NTRK2: variants seen among roughly 807,000 people sequenced by gnomAD.
NTRK2 encodes neurotrophic receptor tyrosine kinase 2.
A neutral mutation model predicts 94.5 loss-of-function variants in NTRK2; 13 were observed. That is an observed-to-expected ratio of 0.14 (90% CI 0.09 to 0.22). The LOEUF (loss-of-function observed/expected upper bound fraction) is 0.22. Ranked by LOEUF, NTRK2 falls within the 10% of genes least tolerant of loss-of-function variation. NTRK2 has a pLI of 1.00. For missense variants in NTRK2, 639 were observed against 1,071.2 expected, an observed-to-expected ratio of 0.60 and a Z score of 5.63; for synonymous variants, 372 against 407.4, an observed-to-expected ratio of 0.91 and a Z score of 1.05.
At chr9:84,743,194 A>G (rs1339829511) in intron 10 of NTRK2, among the ~76,000 whole-genome samples, 1 of 152,174 alleles carries the variant, frequency 6.6e-6, no homozygotes, top group Non-Finnish European at 1.5e-5. Flanking sequence ...CATATTTAAC[A>G]GATTTCCAAG....
intron 14 of NTRK2, among the ~76,000 whole-genome samples, chr9:84,896,857 C>T (rs73476433): frequency 0.063 from 9,575 of 152,096 alleles, 896 homozygotes; most frequent in African/African-American, 0.2. Context: ...AAGACCAGGA[C>T]GAATGAGAGT....
At chr9:84,821,028 C>G (rs985622305) in intron 12 of NTRK2, among the ~76,000 whole-genome samples, 1 of 152,138 alleles carries the variant, frequency 6.6e-6, no homozygotes, top group Non-Finnish European at 1.5e-5. Context: ...GATCTCTGCT[C>G]TTCATTTTGG....
At chr9:84,918,399 A>C (rs1033095764) in intron 14 of NTRK2, among the ~76,000 whole-genome samples, 1 of 152,200 alleles carries the variant, frequency 6.6e-6, no homozygotes, top group Non-Finnish European at 1.5e-5. Flanking sequence ...CTTGCCTGAC[A>C]TGGGTCCAGT....
intron 17 of NTRK2, among the ~76,000 whole-genome samples, chr9:84,972,438 A>G (rs936962293): frequency 6.6e-6 from 1 of 152,200 alleles, no homozygotes; most frequent in African/African-American, 2.4e-5. Context: ...CAGTGAGTTT[A>G]TGAAGGGGCT....
chr9:84,702,429 G>C lies in NTRK2; in HGVS notation c.359+10G>C, dbSNP rs1255855312. The C allele has an allele frequency of 1.9e-6, 3 of 1,611,274 alleles. No homozygotes were observed. The highest frequency in any genetic ancestry group is 1.7e-5 in the Admixed American group (1 of 60,026). On this transcript the variant is annotated intron_variant, in intron 4 of 18. Transcript: ENST00000277120. ...GCAACCTGCAGCACATGTAAGTAGA[G>C]ATTGATTCTTTTGCTTCCCAGGACC...
chr9:84,832,670 A>G (rs1312126835), intron 12 of NTRK2, among the ~76,000 whole-genome samples: 1 of 152,232 alleles, frequency 6.6e-6, no homozygotes, highest in Non-Finnish European at 1.5e-5. Context: ...TAACCTAGAT[A>G]GAAAACCCCA....
rs118129792 is a variant in NTRK2 at position 84,994,425 on chromosome 9, C to T, written c.2173-25781C>T. On this transcript the variant is annotated intron_variant, in intron 17 of 18. Transcript: ENST00000277120. ...ATTTGATCCCTGAATCCCATAAAAACGAAAGTGCAAGCTACACGGAGCACA... is the reference window on the plus strand; with the variant it reads ...ATTTGATCCCTGAATCCCATAAAAATGAAAGTGCAAGCTACACGGAGCACA... Among the ~76,000 whole-genome samples, 1,023 of 152,284 alleles carry T rather than the reference C, an allele frequency of 6.7e-3. 26 individuals carry two copies. Among genetic ancestry groups the T allele is most frequent in the Admixed American group, 0.04 (609 of 15,290 alleles).
At chr9:84,852,226 A>G (rs945647894) in intron 12 of NTRK2, among the ~76,000 whole-genome samples, 4 of 152,254 alleles carry the variant, frequency 2.6e-5, no homozygotes, top group African/African-American at 7.2e-5. Flanking sequence ...CCTGAGAATC[A>G]GCCAGCTTCC....
intron 17 of NTRK2, among the ~76,000 whole-genome samples, chr9:84,960,835 A>G (rs780438399): frequency 5.3e-5 from 8 of 152,222 alleles, no homozygotes; most frequent in Non-Finnish European, 1.0e-4. Context: ...TAAGTCTTAC[A>G]CATCTTTGTT....
chr9:84,854,008 G>GTTGCA lies in NTRK2; in HGVS notation c.1397-7031_1397-7027dup, dbSNP rs553600625. Among the ~76,000 whole-genome samples the GTTGCA allele has an allele frequency of 2.8e-3, 417 of 150,958 alleles. 1 individual carries two copies. The highest frequency in any genetic ancestry group is 9.7e-3 in the African/African-American group (399 of 41,066). Reference sequence around the variant, plus strand: ...GGCAGGAGAATTGCTGGAGGCAGAGGTTGCAGTGAGCTGAGATCGCACCAC... The same window carrying GTTGCA: ...GGCAGGAGAATTGCTGGAGGCAGAGGTTGCATTGCAGTGAGCTGAGATCGCACCAC... On this transcript the variant is annotated intron_variant, in intron 12 of 18. Transcript: ENST00000277120.
At chr9:84,689,503 G>A (rs1166393616) in intron 2 of NTRK2, among the ~76,000 whole-genome samples, 1 of 152,140 alleles carries the variant, frequency 6.6e-6, no homozygotes, top group Non-Finnish European at 1.5e-5. Flanking sequence ...GGGATTGTCA[G>A]TCATTTTCTC....
chr9:84,775,774 A>C (rs2066968763), intron 12 of NTRK2, among the ~76,000 whole-genome samples: 1 of 152,202 alleles, frequency 6.6e-6, no homozygotes, highest in Admixed American at 6.5e-5. Flanking sequence ...CCTTGCTCTC[A>C]AAATGTGGTC....
At position 85,023,400 on chromosome 9, in the gene NTRK2, T is replaced by G. The variant is rs896742397; in HGVS notation, c.*1963T>G. Reference sequence around the variant, plus strand: ...GCGCCTGTTAATTACTGGAACACCTTATTTTTCATTAAAGGCTTTGAAAGC... The same window carrying G: ...GCGCCTGTTAATTACTGGAACACCTGATTTTTCATTAAAGGCTTTGAAAGC... On this transcript the variant is annotated 3_prime_UTR_variant, in exon 19 of 19. Coordinates refer to ENST00000277120, the MANE Select transcript of NTRK2 (RefSeq NM_006180.6). 4.3e-6 allele frequency: 1 copy of G among 232,298 alleles called. No individual in the cohort carries two copies. 14.4% of individuals were successfully genotyped at this position (232,298 alleles called of 1,614,324 possible). A position where few individuals can be genotyped will look rare whatever the true frequency, so the allele number is the denominator to read the frequency against.
At chr9:84,779,776 G>A (rs528755656) in intron 12 of NTRK2, among the ~76,000 whole-genome samples, 1 of 152,332 alleles carries the variant, frequency 6.6e-6, no homozygotes, top group South Asian at 2.1e-4. Flanking sequence ...TCAGAAAAGA[G>A]TGAGCAAGTT....
intron 14 of NTRK2, among the ~76,000 whole-genome samples, chr9:84,888,611 C>CA (rs71369158): frequency 0.045 from 1,506 of 33,832 alleles, 484 homozygotes; most frequent in Middle Eastern, 0.088. Context: ...CACTCCATCT[C>CA]AAAAAAAAAA....
At chr9:84,686,812 A>G (rs568772130) in intron 2 of NTRK2, among the ~76,000 whole-genome samples, 1 of 152,356 alleles carries the variant, frequency 6.6e-6, no homozygotes, top group African/African-American at 2.4e-5. Flanking sequence ...TGCAAAACTC[A>G]TCAAAAAACC....
intron 16 of NTRK2, among the ~76,000 whole-genome samples, chr9:84,949,591 C>A (rs1354570596): frequency 6.6e-6 from 1 of 152,186 alleles, no homozygotes; most frequent in Non-Finnish European, 1.5e-5. Context: ...CCTCAACCTC[C>A]CACGTAGCTG....
intron 12 of NTRK2, among the ~76,000 whole-genome samples, chr9:84,803,299 A>G (rs1029343751): frequency 1.3e-5 from 2 of 152,164 alleles, no homozygotes; most frequent in African/African-American, 4.8e-5. Context: ...TCTGTTTTCA[A>G]GTTTGGGCAC....
At position 85,006,954 on chromosome 9, in the gene NTRK2, C is replaced by T. The variant is rs1246215094; in HGVS notation, c.2173-13252C>T. Among the ~76,000 whole-genome samples the T allele has an allele frequency of 3.9e-5, 6 of 152,218 alleles. No homozygotes were observed. The South Asian group carries it at 6.2e-4, about 16-fold the overall frequency. On this transcript the variant is annotated intron_variant, in intron 17 of 18. Transcript: ENST00000277120. ...TTTTTGGTTTTAGCTGCTGGTTCTCCTCCCATATTTATTTCATACAGTATT... is the reference window on the plus strand; with the variant it reads ...TTTTTGGTTTTAGCTGCTGGTTCTCTTCCCATATTTATTTCATACAGTATT...
Sources: gnomAD v4.1 joint callset for allele counts (sites outside exome capture counted in the v4.1 genomes callset) on GRCh38, gnomAD v4.1.1 for gene constraint, MANE v1.5 for transcripts, NCBI Gene and HGNC (gene_info 2026-07-23, HGNC 2026-07-21) for gene names.